Variants in UNC80 observed in about 807,000 individuals in gnomAD.
UNC80 encodes the protein protein unc-80 homolog.
A neutral mutation model predicts 384.6 loss-of-function variants in UNC80; 164 were observed. The ratio of observed to expected loss-of-function variants is 0.43; its 90% confidence interval spans 0.38 to 0.49. UNC80 has a LOEUF of 0.49. UNC80 is among the 20% of genes least tolerant of loss of function. The pLI is 0.00. For synonymous variants in UNC80, 1,486 were observed against 1,527.8 expected, an observed-to-expected ratio of 0.97 and a Z score of 0.64; for missense variants, 3,330 against 4,143.0, an observed-to-expected ratio of 0.80 and a Z score of 5.39.
chr2:209,944,900 C>T, intron 45 of UNC80, 151 bp from the exon 46 acceptor site: 3 of 838,852 alleles, frequency 3.6e-6, no homozygotes, highest in Non-Finnish European at 5.4e-6. Context: ...AATCATACCA[C>T]AGCATTGCGG....
chr2:209,830,000 T>A (rs1016809582), intron 15 of UNC80, among the ~76,000 whole-genome samples: 8 of 152,236 alleles, frequency 5.3e-5, no homozygotes, highest in Admixed American at 1.3e-4. Flanking sequence ...AAGTGTTAAC[T>A]GCATTTATAG....
chr2:209,833,868 A>C, intron 16 of UNC80, 134 bp from the exon 17 acceptor site: 2 of 810,106 alleles, frequency 2.5e-6, no homozygotes, highest in South Asian at 1.9e-5. Flanking sequence ...TTTCATCAAT[A>C]GTAAACTGTC....
At chr2:209,773,354 G>A (rs1274676705) in intron 2 of UNC80, among the ~76,000 whole-genome samples, 2 of 152,244 alleles carry the variant, frequency 1.3e-5, no homozygotes, top group African/African-American at 4.8e-5. Context: ...AAGGGGACAA[G>A]CCACAAACAA....
Position 209,953,416 on chromosome 2 carries a change from CAAAAAAA to C in UNC80, c.7287-664_7287-658del, listed in dbSNP as rs543990253. Among the ~76,000 whole-genome samples, 190 of 42,438 alleles carry C rather than the reference CAAAAAAA, an allele frequency of 4.5e-3. 3 individuals carry two copies. The highest frequency in any genetic ancestry group is 0.012 in the African/African-American group (162 of 12,962). The allele number at this position is 42,438 out of a possible 152,430, so 27.8% of individuals were successfully genotyped here. On this transcript the variant is annotated intron_variant, in intron 47 of 64. Coordinates refer to ENST00000673920, the MANE Select transcript of UNC80 (RefSeq NM_001371986.1). Reference sequence around the variant, plus strand: ...GGTGACTGACAGAGCAAGACTCTGTCAAAAAAAAAAAAAAAAAAAAAAAAAAGATTTA... The same window carrying C: ...GGTGACTGACAGAGCAAGACTCTGTCAAAAAAAAAAAAAAAAAAAGATTTA...
At chr2:209,805,080 T>C (rs992717265) in intron 7 of UNC80, among the ~76,000 whole-genome samples, 3 of 152,238 alleles carry the variant, frequency 2.0e-5, no homozygotes, top group Non-Finnish European at 4.4e-5. Flanking sequence ...CATTAGTCTT[T>C]AACAGTTCTT....
chr2:209,855,285 A>G (rs538567707), intron 22 of UNC80, among the ~76,000 whole-genome samples: 5 of 152,116 alleles, frequency 3.3e-5, no homozygotes, highest in African/African-American at 1.2e-4. Flanking sequence ...AACAACACAC[A>G]CTGGGGCCTG....
Position 209,786,126 on chromosome 2 carries a change from C to G in UNC80, c.661C>G (p.His221Asp). ...GLVIWQPMWE[H>D]RQPGVSGFTA... ...TGTTATATGGCAGCCCATGTGGGAA[C>G]ACAGACAGCCCGGAGTCTCTGGCTT... Residue 221 changes from histidine (H) to aspartate (D), a missense_variant, in exon 5 of 65, where the codon CAC becomes GAC. By Grantham distance (81) the His-to-Asp change is moderately conservative. This residue lies in a region of UNC80 where 937 missense variants were observed against 1,026.8 expected (regional missense o/e 0.91). Coordinates refer to ENST00000673920, the MANE Select transcript of UNC80 (RefSeq NM_001371986.1). 6.2e-7 allele frequency: 1 copy of G among 1,614,106 alleles called. No individual in the cohort carries two copies. Among genetic ancestry groups the G allele is most frequent in the Non-Finnish European group, 8.5e-7 (1 of 1,179,980 alleles).
intron 43 of UNC80, 112 bp downstream of exon 43, chr2:209,939,764 G>T: frequency 2.0e-6 from 2 of 998,476 alleles, no homozygotes; most frequent in South Asian, 2.2e-5. Flanking sequence ...TGTGCTCAAC[G>T]TGCAGGTTTG....
chr2:209,983,915 C>T (rs2093220076), intron 60 of UNC80, among the ~76,000 whole-genome samples: 1 of 152,078 alleles, frequency 6.6e-6, no homozygotes, highest in Non-Finnish European at 1.5e-5. Flanking sequence ...TGTCTCTGTA[C>T]ATAAGGGAAA....
chr2:209,883,914 A>G (rs2085529835), intron 25 of UNC80, among the ~76,000 whole-genome samples: 1 of 152,156 alleles, frequency 6.6e-6, no homozygotes, highest in South Asian at 2.1e-4. Context: ...TTTTTAAGAA[A>G]TGGCACTGAA....
chr2:209,971,072 A>G, intron 54 of UNC80, 115 bp downstream of exon 54: 1 of 1,328,532 alleles, frequency 7.5e-7, no homozygotes, highest in Non-Finnish European at 1.0e-6. Context: ...ACAAAAGTGT[A>G]AACATCTCTA....
chr2:209,984,999 C>T, intron 61 of UNC80, 87 bp downstream of exon 61: 1 of 1,169,116 alleles, frequency 8.6e-7, no homozygotes, highest in Non-Finnish European at 1.2e-6. Flanking sequence ...TCTTCTCTGT[C>T]TCTTCTCGCC....
At chr2:209,837,245 T>C (rs1356595611) in intron 18 of UNC80, among the ~76,000 whole-genome samples, 1 of 152,210 alleles carries the variant, frequency 6.6e-6, no homozygotes, top group African/African-American at 2.4e-5. Flanking sequence ...CCAAAACTTG[T>C]AAGCAAATCA....
chr2:209,931,070 TC>T lies in UNC80; in HGVS notation c.5994+17del. ...CAACTATTTGGTGAGTTATAAATGT[TC>T]ATTTCCAATTACGAAGCAGCACCAT... On this transcript the variant is annotated intron_variant, in intron 38 of 64. Coordinates refer to ENST00000673920, the MANE Select transcript of UNC80 (RefSeq NM_001371986.1). The T allele has an allele frequency of 1.3e-6, 2 of 1,516,332 alleles. No individual in the cohort carries two copies. The highest frequency in any genetic ancestry group is 8.9e-7 in the Non-Finnish European group (1 of 1,119,908). 93.9% of individuals were successfully genotyped at this position (1,516,332 alleles called of 1,614,324 possible).
intron 2 of UNC80, 50 bp from the exon 3 acceptor site, chr2:209,775,839 G>A (rs773463366): frequency 3.9e-5 from 62 of 1,573,250 alleles, no homozygotes; most frequent in South Asian, 1.5e-4. Context: ...CTTAGTTTAC[G>A]TGGTTTTGGA....
rs186475840 is a variant in UNC80 at position 209,830,222 on chromosome 2, T to G, written c.2626+843T>G. 8.1e-4 allele frequency among the ~76,000 whole-genome samples: 123 copies of G among 152,350 alleles called. No individual in the cohort carries two copies. In the Middle Eastern group the frequency reaches 0.01, roughly 13 times the overall value. ...TATTTGCTAGATTTAGAAGCAGTTT[T>G]CCTGGTTGTAACCCAGGAATATTGT... is the stretch of plus-strand genomic sequence containing the variant. On this transcript the variant is annotated intron_variant, in intron 15 of 64. Coordinates refer to ENST00000673920, the MANE Select transcript of UNC80 (RefSeq NM_001371986.1).
chr2:209,931,100 G>A, intron 38 of UNC80, 46 bp downstream of exon 38: 2 of 1,382,772 alleles, frequency 1.4e-6, no homozygotes. Flanking sequence ...GCACCATGAT[G>A]AAAAGGTCTT....
intron 23 of UNC80, among the ~76,000 whole-genome samples, chr2:209,874,110 C>T (rs549951206): frequency 6.6e-6 from 1 of 152,216 alleles, no homozygotes; most frequent in East Asian, 1.9e-4. Context: ...ACAGTTTCTC[C>T]TATGTAATAT....
intron 35 of UNC80, among the ~76,000 whole-genome samples, chr2:209,923,620 A>G (rs1464994165): frequency 1.3e-5 from 2 of 152,142 alleles, no homozygotes; most frequent in Non-Finnish European, 2.9e-5. Context: ...AGATATTTGT[A>G]TAATTGTTGT....
Sources: gnomAD v4.1 joint callset for allele counts (sites outside exome capture counted in the v4.1 genomes callset) on GRCh38, gnomAD v4.1.1 for gene constraint, gnomAD v4.1.1 regional missense constraint, MANE v1.5 for transcripts, NCBI Gene and HGNC (gene_info 2026-07-23, HGNC 2026-07-21) for gene names.